Variants in CLYBL observed in about 807,000 individuals in gnomAD.
CLYBL encodes citramalyl-CoA lyase, mitochondrial.
A neutral mutation model predicts 38.9 loss-of-function variants in CLYBL; 31 were observed. The observed-to-expected ratio is 0.80, with a 90% confidence interval of 0.60 to 1.08. The LOEUF (loss-of-function observed/expected upper bound fraction) is 1.08, where lower values mean the gene tolerates loss of function less well. Ranked by LOEUF, CLYBL falls within the 50% of genes least tolerant of loss-of-function variation. The pLI, the probability that CLYBL is intolerant of heterozygous loss-of-function variation, is 0.00. For synonymous variants in CLYBL, 171 were observed against 158.6 expected (o/e 1.08, Z -0.59); for missense variants, 434 against 411.6 (o/e 1.05, Z -0.47).
intron 7 of CLYBL, chr13:99,885,064 G>A (rs1448854593): frequency 3.8e-6 from 2 of 529,314 alleles, no homozygotes; most frequent in Non-Finnish European, 7.7e-6. Flanking sequence ...CCGTGTACCT[G>A]GCAGGTACTG....
intron 1 of CLYBL, among the ~76,000 whole-genome samples, chr13:99,750,872 A>C (rs2048943835): frequency 6.6e-6 from 1 of 152,160 alleles, no homozygotes; most frequent in South Asian, 2.1e-4. Context: ...TGGTTACTGG[A>C]CACGGGTACA....
intron 1 of CLYBL, among the ~76,000 whole-genome samples, chr13:99,626,976 C>T (rs1302133503): frequency 6.7e-6 from 1 of 149,922 alleles, no homozygotes; most frequent in Non-Finnish European, 1.5e-5. Flanking sequence ...CTAGTACCGG[C>T]GCTGCTCAGA....
intron 7 of CLYBL, among the ~76,000 whole-genome samples, chr13:99,885,709 C>T (rs971566355): frequency 1.3e-5 from 2 of 152,136 alleles, no homozygotes; most frequent in Non-Finnish European, 2.9e-5. Flanking sequence ...CACAACAAAA[C>T]TGAGAGGGAA....
intron 7 of CLYBL, among the ~76,000 whole-genome samples, chr13:99,886,656 G>A (rs2052357396): frequency 1.3e-5 from 2 of 152,250 alleles, no homozygotes; most frequent in African/African-American, 4.8e-5. Flanking sequence ...GGCAACGCGT[G>A]GAGATGCCTG....
intron 6 of CLYBL, among the ~76,000 whole-genome samples, chr13:99,867,973 G>A (rs556689470): frequency 3.3e-5 from 5 of 152,206 alleles, no homozygotes; most frequent in African/African-American, 7.2e-5. Context: ...TAATTCAATC[G>A]CAGAAGACAG....
At chr13:99,677,052 G>A (rs555941965) in intron 1 of CLYBL, among the ~76,000 whole-genome samples, 3 of 150,664 alleles carry the variant, frequency 2.0e-5, no homozygotes, top group African/African-American at 7.3e-5. Context: ...CCTTAGGTTC[G>A]TAGACCTGTG....
At chr13:99,755,122 C>T (rs969860131) in intron 1 of CLYBL, among the ~76,000 whole-genome samples, 13 of 152,192 alleles carry the variant, frequency 8.5e-5, no homozygotes, top group Non-Finnish European at 1.9e-4. Context: ...TGGTCTCGCT[C>T]TCCTGACCTC....
intron 2 of CLYBL, among the ~76,000 whole-genome samples, chr13:99,814,416 A>G (rs1467719507): frequency 6.6e-6 from 1 of 152,200 alleles, no homozygotes; most frequent in Admixed American, 6.5e-5. Flanking sequence ...GCCCCTTTGA[A>G]CATGGAAACA....
intron 2 of CLYBL, among the ~76,000 whole-genome samples, chr13:99,824,464 TAAAAC>T (rs1352420542): frequency 6.6e-6 from 1 of 152,144 alleles, no homozygotes; most frequent in East Asian, 1.9e-4. Context: ...TTCTGGCAAA[TAAAAC>T]AGTTAATAGT....
At chr13:99,625,153 G>A (rs1262002865) in intron 1 of CLYBL, among the ~76,000 whole-genome samples, 2 of 152,192 alleles carry the variant, frequency 1.3e-5, no homozygotes, top group Non-Finnish European at 2.9e-5. Context: ...TGGGAGTTGT[G>A]CTGTTCGTTT....
chr13:99,778,523 T>C (rs1332565062), intron 2 of CLYBL, among the ~76,000 whole-genome samples: 1 of 152,222 alleles, frequency 6.6e-6, no homozygotes, highest in African/African-American at 2.4e-5. Flanking sequence ...AATAGGAGTT[T>C]CCACAAAGCA....
chr13:99,817,511 C>T (rs1203343239), intron 2 of CLYBL, among the ~76,000 whole-genome samples: 4 of 151,770 alleles, frequency 2.6e-5, no homozygotes, highest in East Asian at 3.9e-4. Flanking sequence ...AAAACTTAGC[C>T]GGGCGTGGTG....
chr13:99,854,269 G>A (rs1239489179), intron 2 of CLYBL, among the ~76,000 whole-genome samples: 4 of 151,992 alleles, frequency 2.6e-5, no homozygotes, highest in African/African-American at 9.7e-5. Flanking sequence ...GAGGCGAAGG[G>A]AAAGGTGATA....
intron 9 of CLYBL, among the ~76,000 whole-genome samples, chr13:99,905,554 G>T (rs1462408231): frequency 6.6e-6 from 1 of 151,968 alleles, no homozygotes; most frequent in East Asian, 1.9e-4. Context: ...CCTCCATTCT[G>T]TTCCAATTAT....
rs10631674 is a variant in CLYBL, at chr13:99,793,033, A to AACACACACAC, written c.249+20049_249+20058dup. 1.1e-4 allele frequency among the ~76,000 whole-genome samples: 16 copies of AACACACACAC among 146,058 alleles called. No homozygotes were observed. In the South Asian group the frequency reaches 1.8e-3, roughly 16 times the overall value. ...TCTTCTTGTGCACATGTGCATACAT[A>AACACACACAC]ACACACACACACACACACACACACA... is the stretch of plus-strand genomic sequence containing the variant. On this transcript the variant is annotated intron_variant, in intron 2 of 8. Coordinates refer to ENST00000339105, the MANE Select transcript of CLYBL (RefSeq NM_206808.5).
At chr13:99,776,558 A>T in intron 2 of CLYBL, among the ~76,000 whole-genome samples, 1 of 150,626 alleles carries the variant, frequency 6.6e-6, no homozygotes. Context: ...ATTTTATCTG[A>T]CATATTTCAC....
chr13:99,841,811 CCTTTTTTTT>C (rs1566349625), intron 2 of CLYBL, among the ~76,000 whole-genome samples: 2 of 124,706 alleles, frequency 1.6e-5, no homozygotes, highest in African/African-American at 6.5e-5. Flanking sequence ...CTTTTCTTTT[CCTTTTTTTT>C]TTTTTTTTTT....
chr13:99,646,022 C>T (rs114910936), intron 1 of CLYBL, among the ~76,000 whole-genome samples: 12 of 152,174 alleles, frequency 7.9e-5, no homozygotes, highest in African/African-American at 2.9e-4. Flanking sequence ...TTCTGTTTGC[C>T]ATGAACATGC....
chr13:99,636,424 G>A (rs2047018920), intron 1 of CLYBL, among the ~76,000 whole-genome samples: 1 of 152,220 alleles, frequency 6.6e-6, no homozygotes, highest in Non-Finnish European at 1.5e-5. Context: ...TGGTGAGCCT[G>A]TCTTCAGCTG....
Sources: gnomAD v4.1 joint callset for allele counts (sites outside exome capture counted in the v4.1 genomes callset) on GRCh38, gnomAD v4.1.1 for gene constraint, MANE v1.5 for transcripts, NCBI Gene and HGNC (gene_info 2026-07-23, HGNC 2026-07-21) for gene names.